The following WEE2 variants were observed in gnomAD, a reference collection of about 807,000 sequenced individuals.
WEE2 encodes the protein WEE2 oocyte meiosis inhibiting kinase.
Under a neutral mutation model 60.1 loss-of-function variants are expected in WEE2, and 50 were observed. The observed-to-expected ratio is 0.83, with a 90% CI of 0.66 to 1.05. The LOEUF (loss-of-function observed/expected upper bound fraction) is 1.05, where lower values mean the gene tolerates loss of function less well. WEE2 is among the 50% of genes least tolerant of loss of function. The pLI is 0.00. For missense variants in WEE2, 631 were observed against 684.3 expected, an observed-to-expected ratio of 0.92 and a Z score of 0.87; for synonymous variants, 240 against 241.0, an observed-to-expected ratio of 1.00 and a Z score of 0.04.
At chr7:141,718,803 A>G (rs1584741555) in intron 3 of WEE2, among the ~76,000 whole-genome samples, 2 of 152,164 alleles carry the variant, frequency 1.3e-5, no homozygotes, top group Admixed American at 1.3e-4. Flanking sequence ...AGAAAAGAAC[A>G]GTATGCCCAG....
intron 9 of WEE2, 43 bp from the exon 10 acceptor site, chr7:141,727,261 T>C (rs776908728): frequency 1.9e-6 from 3 of 1,578,630 alleles, no homozygotes; most frequent in Admixed American, 3.8e-5. Flanking sequence ...TTTTTCCCAA[T>C]AGTGAAGCTT....
intron 4 of WEE2, among the ~76,000 whole-genome samples, chr7:141,720,343 A>T (rs776142927): frequency 9.9e-5 from 15 of 151,586 alleles, no homozygotes; most frequent in Non-Finnish European, 1.9e-4. Flanking sequence ...TTATACTGAG[A>T]TTCATCAAGT....
Position 141,719,066 on chromosome 7 carries a change from C to T in WEE2, c.586-6C>T. ...CTCTAATTTCCTTTTTATTAAAATA[C>T]TTTAGAGATGTGTTTTACGAGAAAC... On this transcript the variant is annotated splice_polypyrimidine_tract_variant and splice_region_variant and intron_variant, in intron 3 of 11. Coordinates refer to ENST00000397541, the MANE Select transcript of WEE2 (RefSeq NM_001105558.1). 6.2e-7 allele frequency: 1 copy of T among 1,611,792 alleles called. No individual in the cohort carries two copies. The highest frequency in any genetic ancestry group is 8.5e-7 in the Non-Finnish European group (1 of 1,178,760).
rs754267782 is a variant in WEE2, at chr7:141,730,260, A to G, written c.1679-35A>G. The stretch of plus-strand genomic sequence containing the variant: ...GTTATATTCCTAATGCCACTGATCA[A>G]TAACTTATTTACTTCTCACACTTTT... On this transcript the variant is annotated intron_variant, in intron 11 of 11. Transcript: ENST00000397541. 20 of 1,608,694 alleles carry G rather than the reference A, an allele frequency of 1.2e-5. No individual in the cohort carries two copies. The South Asian group carries it at 2.0e-4, about 16-fold the overall frequency.
intron 5 of WEE2, among the ~76,000 whole-genome samples, chr7:141,722,862 C>A (rs778517162): frequency 1.7e-4 from 26 of 152,208 alleles, no homozygotes; most frequent in Non-Finnish European, 3.7e-4. Flanking sequence ...CTGTAATTCT[C>A]CTTTCCAACA....
In WEE2 at chr7:141,714,209, A is replaced by C. The variant is rs1798755602; in HGVS notation, c.343A>C (p.Thr115Pro). ...LPSDSPSTPK[T>P]MLSRLVISPT... ...CTTGCCTTTTGTCATCCTCATTCAG[A>C]CCATGCTGAGCCGGTTGGTGATTTC... is the stretch of plus-strand genomic sequence containing the variant. Residue 115 changes from threonine (T) to proline (P), a missense_variant and splice_region_variant, in exon 2 of 12, where the codon ACC becomes CCC. Thr to Pro is a conservative substitution (Grantham distance 38). Coordinates refer to ENST00000397541, the MANE Select transcript of WEE2 (RefSeq NM_001105558.1). 5 of 1,607,844 alleles carry C rather than the reference A, an allele frequency of 3.1e-6. No homozygotes were observed. The highest frequency in any genetic ancestry group is 4.2e-6 in the Non-Finnish European group (5 of 1,178,022).
At chr7:141,725,236 ATTTTT>A (rs765584767) in intron 9 of WEE2, 40 bp downstream of exon 9, 2 of 1,584,674 alleles carry the variant, frequency 1.3e-6, no homozygotes, top group Non-Finnish European at 1.7e-6. Flanking sequence ...TGCAATATCT[ATTTTT>A]TTAGTGCGAT....
intron 5 of WEE2, among the ~76,000 whole-genome samples, chr7:141,722,452 A>C (rs1463960685): frequency 6.6e-6 from 1 of 152,206 alleles, no homozygotes; most frequent in Non-Finnish European, 1.5e-5. Flanking sequence ...CTTAGAATCA[A>C]GATCAGATAG....
rs1563011968 is a variant in WEE2, at chr7:141,711,995, GA to G, written c.343-2212del. ...TCATTACCATGAGGATGGCACCAAGGAATCTACCTCTGTAATCCAAATGCCA... is the reference window on the plus strand; with the variant it reads ...TCATTACCATGAGGATGGCACCAAGGATCTACCTCTGTAATCCAAATGCCA... On this transcript the variant is annotated intron_variant, in intron 1 of 11. Coordinates refer to ENST00000397541, the MANE Select transcript of WEE2 (RefSeq NM_001105558.1). This position sits in a 1 kb window ranked among gnomAD's most constrained non-coding sequence, Gnocchi z 4.2. Among the ~76,000 whole-genome samples, 1 of 152,094 alleles carries G rather than the reference GA, an allele frequency of 6.6e-6. No homozygotes were observed. Among genetic ancestry groups the G allele is most frequent in the Non-Finnish European group, 1.5e-5 (1 of 68,026 alleles).
rs571238574 is a variant in WEE2, at chr7:141,720,141, C to CTTTTTTTTTTTT, written c.759-773_759-762dup. 6.5e-4 allele frequency among the ~76,000 whole-genome samples: 42 copies of CTTTTTTTTTTTT among 64,200 alleles called. 2 individuals are homozygous for CTTTTTTTTTTTT. In the South Asian group the frequency reaches 0.012, roughly 18 times the overall value. The allele number at this position is 64,200 out of a possible 152,430, so 42.1% of individuals were successfully genotyped here. A position where few individuals can be genotyped will look rare whatever the true frequency, so the allele number is the denominator to read the frequency against. Reference sequence around the variant, plus strand: ...GTTTTATACAGGTTTTAGAATTCCTCTTTTTTTTTTTTTTTTTTTTTTTTT... The same window carrying CTTTTTTTTTTTT: ...GTTTTATACAGGTTTTAGAATTCCTCTTTTTTTTTTTTTTTTTTTTTTTTTTTTTTTTTTTTT... On this transcript the variant is annotated intron_variant, in intron 4 of 11. Transcript: ENST00000397541.
At chr7:141,722,476 G>A (rs1798933159) in intron 5 of WEE2, among the ~76,000 whole-genome samples, 1 of 152,106 alleles carries the variant, frequency 6.6e-6, no homozygotes, top group South Asian at 2.1e-4. Flanking sequence ...TATGAATCCA[G>A]GCCTTTTATT....
intron 1 of WEE2, among the ~76,000 whole-genome samples, chr7:141,710,781 G>C (rs933125866): frequency 6.6e-6 from 1 of 152,160 alleles, no homozygotes; most frequent in Non-Finnish European, 1.5e-5. Context: ...TCAGTGTGAC[G>C]GGCCTGTGTG....
intron 11 of WEE2, 101 bp from the exon 12 acceptor site, chr7:141,730,194 G>C (rs1013434089): frequency 1.8e-6 from 2 of 1,083,276 alleles, no homozygotes; most frequent in Non-Finnish European, 2.7e-6. Flanking sequence ...CTTCTCAAGG[G>C]TCCCAGACAC....
intron 4 of WEE2, 54 bp from the exon 5 acceptor site, chr7:141,720,879 TTG>T (rs1268489096): frequency 1.3e-6 from 2 of 1,581,246 alleles, no homozygotes; most frequent in Admixed American, 1.7e-5. Flanking sequence ...AGAAACATTT[TTG>T]TGTGCATTAT....
chr7:141,716,950 T>C (rs1022779081), intron 3 of WEE2, among the ~76,000 whole-genome samples: 1 of 152,186 alleles, frequency 6.6e-6, no homozygotes, highest in African/African-American at 2.4e-5. Context: ...ACATTATCCT[T>C]AGAGATGTTT....
intron 1 of WEE2, 81 bp from the exon 2 acceptor site, chr7:141,714,128 G>C (rs1034336394): frequency 8.0e-7 from 1 of 1,243,044 alleles, no homozygotes; most frequent in Non-Finnish European, 1.1e-6. Flanking sequence ...AGCATTCTTA[G>C]ATTCAAATAT....
In WEE2 at chr7:141,725,155, G is replaced by C; in HGVS notation, c.1351G>C (p.Val451Leu). The C allele has an allele frequency of 6.2e-7, 1 of 1,614,170 alleles. No individual in the cohort carries two copies. The highest frequency in any genetic ancestry group is 8.5e-7 in the Non-Finnish European group (1 of 1,180,006). Residue 451 changes from valine (V) to leucine (L), a missense_variant, in exon 9 of 12, where the codon GTT (valine) becomes CTT (leucine). Val to Leu is a conservative substitution (Grantham distance 32). Coordinates refer to ENST00000397541, the MANE Select transcript of WEE2 (RefSeq NM_001105558.1). The stretch of plus-strand genomic sequence containing the variant: ...TATCCGCAAGGGTAACTTTCCGGAC[G>C]TTCCTCAGGAGCTCTCAGAAAGCTT... ...HHIRKGNFPD[V>L]PQELSESFSS... is the part of the protein sequence containing the mutation.
Position 141,708,552 on chromosome 7 carries a change from T to G in WEE2, c.-207T>G, listed in dbSNP as rs1215889802. ...GAGCTTTCTTTAATCAGAATGGAAA[T>G]CAGGATAAGCTGAGGTCTTATAGAT... On this transcript the variant is annotated 5_prime_UTR_variant, in exon 1 of 12. Coordinates refer to ENST00000397541, the MANE Select transcript of WEE2 (RefSeq NM_001105558.1). 8.6e-6 allele frequency: 5 copies of G among 581,300 alleles called. No homozygotes were observed. Among genetic ancestry groups the G allele is most frequent in the African/African-American group, 3.7e-5 (2 of 53,600 alleles). 36.0% of individuals were successfully genotyped at this position (581,300 alleles called of 1,614,324 possible).
chr7:141,713,681 A>T (rs1161264751), intron 1 of WEE2, among the ~76,000 whole-genome samples: 1 of 152,204 alleles, frequency 6.6e-6, no homozygotes, highest in African/African-American at 2.4e-5. Flanking sequence ...TTTCCTTACA[A>T]GGTGATTATT....
Sources: allele counts gnomAD v4.1 joint callset (sites outside exome capture counted in the v4.1 genomes callset), GRCh38; gene constraint gnomAD v4.1.1; non-coding constraint Gnocchi (gnomAD v3.1); transcripts MANE v1.5; gene names NCBI Gene and HGNC (gene_info 2026-07-23, HGNC 2026-07-21).